PTPRU: variants seen among roughly 807,000 people sequenced by gnomAD.
The protein encoded by PTPRU is receptor-type tyrosine-protein phosphatase U.
PTPRU carries 69 observed loss-of-function variants against 166.3 expected under a neutral mutation model. The observed-to-expected ratio is 0.41, with a 90% CI of 0.34 to 0.51. The LOEUF (loss-of-function observed/expected upper bound fraction) is 0.51, where lower values mean the gene tolerates loss of function less well. Ranked by LOEUF, PTPRU falls within the 20% of genes least tolerant of loss-of-function variation. The probability of loss-of-function intolerance (pLI) is 0.09; values close to 1 mark genes in which losing one functional copy is unlikely to be tolerated. For synonymous variants in PTPRU, 793 were observed against 814.0 expected, an observed-to-expected ratio of 0.97 and a Z score of 0.44; for missense variants, 1,657 against 2,013.7, an observed-to-expected ratio of 0.82 and a Z score of 3.39.
intron 18 of PTPRU, among the ~76,000 whole-genome samples, chr1:29,308,583 A>G (rs1356003177): frequency 7.3e-5 from 11 of 151,186 alleles, no homozygotes. Flanking sequence ...AAAAAAAAAA[A>G]AAAGAGAGAG....
Position 29,259,571 on chromosome 1 carries a change from G to C in PTPRU, c.675+7G>C. 6.3e-7 allele frequency: 1 copy of C among 1,582,714 alleles called. No individual in the cohort carries two copies. The highest frequency in any genetic ancestry group is 8.6e-7 in the Non-Finnish European group (1 of 1,164,794). On this transcript the variant is annotated splice_region_variant and intron_variant, in intron 5 of 29. Coordinates refer to ENST00000373779, the MANE Select transcript of PTPRU (RefSeq NM_133178.4). Reference sequence around the variant, plus strand: ...CGAACGCTTCCTCTTGCAAGTGAGCGGGAGCGGTGATCTTGGCTGGGGGCG... The same window carrying C: ...CGAACGCTTCCTCTTGCAAGTGAGCCGGAGCGGTGATCTTGGCTGGGGGCG...
intron 14 of PTPRU, among the ~76,000 whole-genome samples, chr1:29,290,142 G>T (rs570974236): frequency 1.6e-3 from 245 of 152,230 alleles, no homozygotes; most frequent in Non-Finnish European, 3.1e-3. Flanking sequence ...ATGTGGGTGG[G>T]GCCTACCTGT....
chr1:29,325,421 C>T, intron 29 of PTPRU, 95 bp downstream of exon 29: 1 of 1,532,744 alleles, frequency 6.5e-7, no homozygotes, highest in Non-Finnish European at 9.0e-7. Flanking sequence ...CTGGGCCCCA[C>T]CACTGGGCCT....
chr1:29,305,249 T>G, intron 17 of PTPRU, 103 bp from the exon 18 acceptor site: 1 of 1,120,296 alleles, frequency 8.9e-7, no homozygotes, highest in African/African-American at 1.5e-5. Context: ...GTTCCCTGGC[T>G]GCCCTGCCTG....
In PTPRU at chr1:29,301,572, C is replaced by T. The variant is rs116889513; in HGVS notation, c.2477-2283C>T. Among the ~76,000 whole-genome samples the T allele has an allele frequency of 4.8e-4, 73 of 152,262 alleles. No homozygotes were observed. The East Asian group carries it at 0.012, about 25-fold the overall frequency. On this transcript the variant is annotated intron_variant, in intron 15 of 29. Coordinates refer to ENST00000373779, the MANE Select transcript of PTPRU (RefSeq NM_133178.4). ...CTTCAGGAAGTGTCCCAGAAGAAGGCACCATTTTCTTTCTTTCTTTTTTTA... is the reference window on the plus strand; with the variant it reads ...CTTCAGGAAGTGTCCCAGAAGAAGGTACCATTTTCTTTCTTTCTTTTTTTA...
At chr1:29,312,058 C>T (rs1304373945) in intron 21 of PTPRU, among the ~76,000 whole-genome samples, 1 of 152,190 alleles carries the variant, frequency 6.6e-6, no homozygotes, top group Non-Finnish European at 1.5e-5. Context: ...TGGAAAGCTC[C>T]GTGTGATTAG....
rs916736719 is a variant in PTPRU at position 29,283,610 on chromosome 1, C to G, written c.2143-330C>G. ...AGGCTCCTCCCTCCTCTGCTTCTTG[C>G]CTGGTTTCTTGCCTGGTTTCTGACT... On this transcript the variant is annotated intron_variant, in intron 12 of 29. Coordinates refer to ENST00000373779, the MANE Select transcript of PTPRU (RefSeq NM_133178.4). The G allele has an allele frequency of 3.3e-5, 13 of 389,784 alleles. No homozygotes were observed. In the Admixed American group the frequency reaches 5.2e-4, roughly 15 times the overall value. 24.1% of individuals were successfully genotyped at this position (389,784 alleles called of 1,614,324 possible).
intron 11 of PTPRU, among the ~76,000 whole-genome samples, chr1:29,281,528 A>ACCTTCCTGAGCCT (rs1686082953): frequency 6.6e-6 from 1 of 152,090 alleles, no homozygotes; most frequent in East Asian, 1.9e-4. Context: ...ATGTCCCGTT[A>ACCTTCCTGAGCCT]CCTTCCTGAG....
rs772178901 is a variant in PTPRU at position 29,311,612 on chromosome 1, C to T, written c.2956-31C>T. 10 of 1,613,672 alleles carry T rather than the reference C, an allele frequency of 6.2e-6. No homozygotes were observed. In the South Asian group the frequency reaches 8.8e-5, roughly 14 times the overall value. ...GGCAGGCCAAGGGGGCAGCAAAGAG[C>T]CCACTGAGTCCCGTCCTGTGGGGCC... On this transcript the variant is annotated intron_variant, in intron 20 of 29. Coordinates refer to ENST00000373779, the MANE Select transcript of PTPRU (RefSeq NM_133178.4). The surrounding 1 kb of genome is among the most constrained non-coding windows in gnomAD (Gnocchi z 4.1).
chr1:29,285,516 A>G (rs1325866200), intron 14 of PTPRU, among the ~76,000 whole-genome samples: 1 of 152,194 alleles, frequency 6.6e-6, no homozygotes, highest in Non-Finnish European at 1.5e-5. Context: ...AGGGCAGCAT[A>G]TATCCCAGGA....
Position 29,260,072 on chromosome 1 carries a change from G to A in PTPRU, c.850+28G>A. ...CAGCTGGTGGACGCCGGGGAGCGCC[G>A]GGACCTCACCCTCGAGGGGCGGGGC... On this transcript the variant is annotated intron_variant, in intron 6 of 29. Transcript: ENST00000373779. This position sits in a 1 kb window ranked among gnomAD's most constrained non-coding sequence, Gnocchi z 8.3. 2.2e-6 allele frequency: 3 copies of A among 1,390,708 alleles called. No homozygotes were observed. Among genetic ancestry groups the A allele is most frequent in the Non-Finnish European group, 2.8e-6 (3 of 1,077,354 alleles). 86.1% of individuals were successfully genotyped at this position (1,390,708 alleles called of 1,614,324 possible).
Position 29,311,384 on chromosome 1 carries a change from A to T in PTPRU, c.2858-72A>T. ...CTCCTGGCCTGGGGTGTGGTGCTGG[A>T]TGGTGCTGGATGTGCTGACCTGGGG... is the stretch of plus-strand genomic sequence containing the variant. On this transcript the variant is annotated intron_variant, in intron 19 of 29. Transcript: ENST00000373779. This position sits in a 1 kb window ranked among gnomAD's most constrained non-coding sequence, Gnocchi z 4.1. 1.4e-6 allele frequency: 2 copies of T among 1,463,224 alleles called. No individual in the cohort carries two copies. Among genetic ancestry groups the T allele is most frequent in the Non-Finnish European group, 1.9e-6 (2 of 1,053,384 alleles). The allele number at this position is 1,463,224 out of a possible 1,614,324, so 90.6% of individuals were successfully genotyped here. A position where few individuals can be genotyped will look rare whatever the true frequency, so the allele number is the denominator to read the frequency against.
chr1:29,263,989 T>A (rs1433880843), intron 7 of PTPRU, among the ~76,000 whole-genome samples: 1 of 152,044 alleles, frequency 6.6e-6, no homozygotes, highest in Middle Eastern at 3.2e-3. Flanking sequence ...CCAGCCTAGC[T>A]AACATGATGA....
At chr1:29,325,162 G>A in intron 28 of PTPRU, 29 bp from the exon 29 acceptor site, 1 of 1,613,374 alleles carries the variant, frequency 6.2e-7, no homozygotes, top group South Asian at 1.1e-5. Flanking sequence ...CCAAGGCCCC[G>A]CCCCTCAGCT....
intron 7 of PTPRU, among the ~76,000 whole-genome samples, chr1:29,274,339 G>A (rs896359845): frequency 2.6e-5 from 4 of 152,268 alleles, no homozygotes; most frequent in Middle Eastern, 3.4e-3. Context: ...ACGCCTGGTC[G>A]AGATAAAGCA....
chr1:29,312,149 G>A (rs1687694239), intron 21 of PTPRU, among the ~76,000 whole-genome samples: 1 of 152,236 alleles, frequency 6.6e-6, no homozygotes. Flanking sequence ...AGCGAGTCCT[G>A]TCCACGATCC....
intron 14 of PTPRU, among the ~76,000 whole-genome samples, chr1:29,288,234 T>C (rs1476563414): frequency 6.6e-6 from 1 of 152,156 alleles, no homozygotes; most frequent in Non-Finnish European, 1.5e-5. Flanking sequence ...GGGATTACAA[T>C]GTGTGGGGCC....
At position 29,315,473 on chromosome 1, in the gene PTPRU, T is replaced by C. The variant is rs1451683171; in HGVS notation, c.3329T>C (p.Leu1110Pro). Residue 1110 changes from leucine to proline, a missense_variant, in exon 23 of 30, where the codon CTC becomes CCC. Physicochemically the swap from Leu to Pro is moderately conservative, Grantham distance 98 (BLOSUM62 -3). This residue lies in a region of PTPRU where 1,190 missense variants were observed against 1,477.4 expected (regional missense o/e 0.81). Transcript: ENST00000373779. The surrounding 1 kb of genome is among the most constrained non-coding windows in gnomAD (Gnocchi z 4.5). ...VVDIYNCVKT[L>P]CSRRVNMIQT... ...GACATTTACAACTGTGTGAAGACTCTCTGCTCCCGGCGTGTCAACATGATC... is the reference window on the plus strand; with the variant it reads ...GACATTTACAACTGTGTGAAGACTCCCTGCTCCCGGCGTGTCAACATGATC... 6.2e-7 allele frequency: 1 copy of C among 1,614,192 alleles called. No homozygotes were observed.
At chr1:29,296,766 C>A (rs1369412680) in intron 15 of PTPRU, among the ~76,000 whole-genome samples, 1 of 151,274 alleles carries the variant, frequency 6.6e-6, no homozygotes. Context: ...AAGCGATTTA[C>A]TTGTCTTTGC....
Sources: gnomAD v4.1 joint callset for allele counts (sites outside exome capture counted in the v4.1 genomes callset) on GRCh38, gnomAD v4.1.1 for gene constraint, gnomAD v4.1.1 regional missense constraint, Gnocchi (gnomAD v3.1) non-coding constraint, MANE v1.5 for transcripts, NCBI Gene and HGNC (gene_info 2026-07-23, HGNC 2026-07-21) for gene names.